Variants in LRRC37A2 observed in about 807,000 individuals in gnomAD.
LRRC37A2 encodes the protein leucine-rich repeat-containing protein 37A2.
A neutral mutation model predicts 68.8 loss-of-function variants in LRRC37A2; 9 were observed. The ratio of observed to expected loss-of-function variants is 0.13; its 90% CI spans 0.08 to 0.23. The LOEUF (loss-of-function observed/expected upper bound fraction) is 0.23. Ranked by LOEUF, LRRC37A2 falls within the 10% of genes least tolerant of loss-of-function variation. The pLI is 1.00. For synonymous variants in LRRC37A2, 63 were observed against 367.6 expected, an observed-to-expected ratio of 0.17 and a Z score of 9.48; for missense variants, 168 against 950.4, an observed-to-expected ratio of 0.18 and a Z score of 10.82.
chr17:46,976,191 G>T, the LRRC37A2 span, among the ~76,000 whole-genome samples: 3 of 150,916 alleles, frequency 2.0e-5, no homozygotes, highest in African/African-American at 7.4e-5. Flanking sequence ...CTCCCAAAGT[G>T]CTGGGATTAC....
At chr17:46,917,486 G>A in the LRRC37A2 span, among the ~76,000 whole-genome samples, 1 of 152,238 alleles carries the variant, frequency 6.6e-6, no homozygotes, top group Non-Finnish European at 1.5e-5. Context: ...CTGGGAGGCT[G>A]GTTCCCCAAA....
At chr17:46,494,697 C>G in the LRRC37A2 span, among the ~76,000 whole-genome samples, 1 of 151,422 alleles carries the variant, frequency 6.6e-6, no homozygotes, top group African/African-American at 2.5e-5. Context: ...TTCACTGTTT[C>G]CTTAAGGTAG....
chr17:46,940,980 C>T, the LRRC37A2 span: 1 of 1,192,880 alleles, frequency 8.4e-7, no homozygotes, highest in South Asian at 1.8e-5. Context: ...AGGGAAGGGT[C>T]CAGGCCAGGG....
chr17:46,748,690 C>G, the LRRC37A2 span, among the ~76,000 whole-genome samples: 26,530 of 152,188 alleles, frequency 0.17, 2,528 homozygotes, highest in Middle Eastern at 0.21. Flanking sequence ...TGTGAACACA[C>G]AGGACTCCTG....
At chr17:46,851,478 G>T in the LRRC37A2 span, 1 of 347,160 alleles carries the variant, frequency 2.9e-6, no homozygotes, top group East Asian at 4.5e-5. The surrounding 1 kb of genome is among the most constrained non-coding windows in gnomAD (Gnocchi z 4.3). Context: ...CAATGGGGCG[G>T]GGGGCTCGCC....
At chr17:46,980,359 T>TCTCCTTCCTTCTCTCCTTCCTTCCTTCC in the LRRC37A2 span, among the ~76,000 whole-genome samples, 1 of 150,420 alleles carries the variant, frequency 6.6e-6, no homozygotes, top group African/African-American at 2.5e-5. Context: ...TTCCTTCTTC[T>TCTCCTTCCTTCTCTCCTTCCTTCCTTCC]TTCTTTCTCT....
chr17:46,863,855 C>T, the LRRC37A2 span, among the ~76,000 whole-genome samples: 4 of 152,176 alleles, frequency 2.6e-5, no homozygotes, highest in Non-Finnish European at 5.9e-5. Context: ...CTCACAACTA[C>T]ATCCATCCCA....
chr17:46,917,459 T>C, the LRRC37A2 span, among the ~76,000 whole-genome samples: 5 of 152,246 alleles, frequency 3.3e-5, no homozygotes, highest in Non-Finnish European at 7.3e-5. Context: ...CTGATTCATG[T>C]CCCACTCCTG....
At chr17:46,875,367 G>A in the LRRC37A2 span, 1 of 1,596,888 alleles carries the variant, frequency 6.3e-7, no homozygotes, top group Non-Finnish European at 8.6e-7. Context: ...GGGCATCAAG[G>A]TGAGCATGTC....
the LRRC37A2 span, among the ~76,000 whole-genome samples, chr17:46,852,959 T>C: frequency 6.6e-6 from 1 of 152,198 alleles, no homozygotes; most frequent in East Asian, 1.9e-4. Flanking sequence ...ACCCTAGCTC[T>C]GGGCTTAGCT....
chr17:46,818,503 A>G, the LRRC37A2 span: 2 of 1,599,830 alleles, frequency 1.3e-6, no homozygotes, highest in Non-Finnish European at 1.7e-6. Flanking sequence ...CGGGCAGACA[A>G]GAGGCGAGTC....
chr17:46,941,409 G>A, the LRRC37A2 span: 1 of 982,920 alleles, frequency 1.0e-6, no homozygotes. Context: ...ATAACTAATG[G>A]CCCCCTTTTT....
chr17:46,388,685 T>C, the LRRC37A2 span, among the ~76,000 whole-genome samples: 3 of 14,484 alleles, frequency 2.1e-4, no homozygotes, highest in African/African-American at 7.4e-4. Flanking sequence ...CTTTAGATTT[T>C]GATAGGTATG....
the LRRC37A2 span, among the ~76,000 whole-genome samples, chr17:46,987,653 G>A: frequency 6.6e-6 from 1 of 151,972 alleles, no homozygotes; most frequent in African/African-American, 2.4e-5. Flanking sequence ...CTGAAAACTG[G>A]CACTCCAGCA....
the LRRC37A2 span, chr17:46,935,708 A>G: frequency 3.0e-6 from 3 of 989,320 alleles, no homozygotes; most frequent in African/African-American, 3.5e-5. Context: ...TGGTGATCCC[A>G]GCGACTCTTC....
At chr17:46,497,075 A>G in the LRRC37A2 span, among the ~76,000 whole-genome samples, 1,119 of 132,486 alleles carry the variant, frequency 8.4e-3, 29 homozygotes, top group African/African-American at 0.03. Context: ...ATTTGTAAAA[A>G]TAGAGATGGG....
the LRRC37A2 span, chr17:46,876,972 G>A: frequency 1.5e-6 from 2 of 1,296,458 alleles, no homozygotes; most frequent in Non-Finnish European, 9.7e-7. Flanking sequence ...GGAGAGGAGG[G>A]CAGAGTGAGA....
At chr17:46,874,911 G>A in the LRRC37A2 span, 1 of 860,046 alleles carries the variant, frequency 1.2e-6, no homozygotes, top group Non-Finnish European at 1.9e-6. Flanking sequence ...CTTGCAGTCA[G>A]AATTTAAGGG....
the LRRC37A2 span, among the ~76,000 whole-genome samples, chr17:47,015,663 A>T: frequency 9.1e-3 from 1,390 of 152,250 alleles, 24 homozygotes; most frequent in African/African-American, 0.03. Flanking sequence ...AAACTTTTTT[A>T]AAAAAAGGAG....
Sources: gnomAD v4.1 joint callset for allele counts (sites outside exome capture counted in the v4.1 genomes callset) on GRCh38, gnomAD v4.1.1 for gene constraint, Gnocchi (gnomAD v3.1) non-coding constraint, MANE v1.5 for transcripts, NCBI Gene and HGNC (gene_info 2026-07-23, HGNC 2026-07-21) for gene names.